Variants in DNAJC1 observed in about 807,000 individuals in gnomAD.
DNAJC1 encodes the protein dnaJ homolog subfamily C member 1.
In DNAJC1, 58 loss-of-function variants were observed where a neutral mutation model predicts 76.6. That is an observed-to-expected ratio of 0.76 (90% CI 0.61 to 0.94). DNAJC1 has a LOEUF of 0.94. Among genes scored for constraint, DNAJC1 ranks in the 40% least tolerant of loss-of-function variants. The pLI is 0.00. For missense variants in DNAJC1, 689 were observed against 677.3 expected (o/e 1.02, Z -0.19); for synonymous variants, 258 against 267.9 (o/e 0.96, Z 0.36).
intron 6 of DNAJC1, among the ~76,000 whole-genome samples, chr10:21,907,078 AC>A (rs1292605837): frequency 6.6e-6 from 1 of 152,130 alleles, no homozygotes; most frequent in Non-Finnish European, 1.5e-5. Context: ...CCAAATTTGA[AC>A]ATTTTCCCTG....
chr10:21,869,991 C>T (rs1836075767), intron 8 of DNAJC1, among the ~76,000 whole-genome samples: 1 of 151,858 alleles, frequency 6.6e-6, no homozygotes, highest in Non-Finnish European at 1.5e-5. Flanking sequence ...GACACCACAC[C>T]TGACAAATAA....
chr10:21,851,581 A>G (rs1403818356), intron 8 of DNAJC1, among the ~76,000 whole-genome samples: 1 of 152,244 alleles, frequency 6.6e-6, no homozygotes, highest in Non-Finnish European at 1.5e-5. Context: ...GGTTGATGGT[A>G]CATCAAAAAG....
At chr10:21,972,358 A>C (rs1837994703) in intron 1 of DNAJC1, among the ~76,000 whole-genome samples, 1 of 152,012 alleles carries the variant, frequency 6.6e-6, no homozygotes, top group African/African-American at 2.4e-5. Flanking sequence ...ACATTACACA[A>C]AAAATATTAA....
chr10:21,806,865 C>T (rs1290343279), intron 8 of DNAJC1, among the ~76,000 whole-genome samples: 1 of 152,012 alleles, frequency 6.6e-6, no homozygotes, highest in Non-Finnish European at 1.5e-5. Context: ...TTTAAAAATA[C>T]CTTAGAGATT....
At chr10:21,966,861 A>G (rs1337323393) in intron 1 of DNAJC1, among the ~76,000 whole-genome samples, 2 of 151,136 alleles carry the variant, frequency 1.3e-5, no homozygotes, top group African/African-American at 4.9e-5. Flanking sequence ...CATATTTTGT[A>G]TTTTGGGTAG....
At chr10:21,868,486 C>G (rs1363228210) in intron 8 of DNAJC1, among the ~76,000 whole-genome samples, 1 of 151,926 alleles carries the variant, frequency 6.6e-6, no homozygotes, top group Non-Finnish European at 1.5e-5. Context: ...ATGGAATATT[C>G]AGCAATAAAA....
intron 9 of DNAJC1, among the ~76,000 whole-genome samples, chr10:21,797,677 T>C (rs1279462088): frequency 6.6e-6 from 1 of 152,138 alleles, no homozygotes; most frequent in Non-Finnish European, 1.5e-5. Flanking sequence ...AGTGGGTTAT[T>C]GCAGGAGTGA....
intron 8 of DNAJC1, among the ~76,000 whole-genome samples, chr10:21,843,583 C>A (rs1056691573): frequency 1.3e-5 from 2 of 151,580 alleles, no homozygotes; most frequent in African/African-American, 4.8e-5. Flanking sequence ...TTAGTAGAGA[C>A]CAGGTTTTAC....
intron 1 of DNAJC1, among the ~76,000 whole-genome samples, chr10:21,936,207 G>A (rs1837309208): frequency 1.3e-5 from 2 of 152,220 alleles, no homozygotes; most frequent in East Asian, 1.9e-4. Flanking sequence ...AGCCCTGGGA[G>A]GACACATAGA....
chr10:21,975,021 T>C (rs1838039555), intron 1 of DNAJC1, among the ~76,000 whole-genome samples: 1 of 152,070 alleles, frequency 6.6e-6, no homozygotes, highest in Non-Finnish European at 1.5e-5. Context: ...TATAAAATTA[T>C]GAAAATGGTA....
At chr10:21,973,480 T>A (rs1258676931) in intron 1 of DNAJC1, among the ~76,000 whole-genome samples, 1 of 152,208 alleles carries the variant, frequency 6.6e-6, no homozygotes, top group Non-Finnish European at 1.5e-5. Context: ...AAGGGATAAA[T>A]ATTTCCTAGC....
chr10:21,862,587 C>T (rs1275310620), intron 8 of DNAJC1, among the ~76,000 whole-genome samples: 6 of 151,982 alleles, frequency 3.9e-5, no homozygotes, highest in African/African-American at 1.4e-4. Flanking sequence ...TGCCCCCACG[C>T]CTGGCTAATT....
At chr10:21,974,931 C>T (rs929273558) in intron 1 of DNAJC1, among the ~76,000 whole-genome samples, 2 of 151,184 alleles carry the variant, frequency 1.3e-5, no homozygotes, top group African/African-American at 2.4e-5. Context: ...GTGAAAAAAA[C>T]AAGAAAAAAT....
intron 8 of DNAJC1, among the ~76,000 whole-genome samples, chr10:21,832,297 T>C (rs896258735): frequency 6.6e-6 from 1 of 152,210 alleles, no homozygotes; most frequent in Admixed American, 6.5e-5. Flanking sequence ...ATTTCTCTCC[T>C]AGATGTTTTT....
intron 1 of DNAJC1, among the ~76,000 whole-genome samples, chr10:21,960,900 TA>T (rs1392094338): frequency 2.0e-5 from 3 of 151,850 alleles, no homozygotes; most frequent in Non-Finnish European, 2.9e-5. Context: ...GAACTTAAAG[TA>T]AAATTTCAAA....
chr10:21,809,342 T>C (rs1834929856), intron 8 of DNAJC1, among the ~76,000 whole-genome samples: 1 of 151,896 alleles, frequency 6.6e-6, no homozygotes, highest in Non-Finnish European at 1.5e-5. Context: ...ACTGAAACTC[T>C]CTAATGAGCA....
In DNAJC1 at chr10:21,868,154, C is replaced by T. The variant is rs1290972053; in HGVS notation, c.978+14128G>A. On this transcript the variant is annotated intron_variant, in intron 8 of 11. Coordinates refer to ENST00000376980, the MANE Select transcript of DNAJC1 (RefSeq NM_022365.4). ...TTTTTTTTTTTTTGAGACGGAGTTT[C>T]GCTCTTGTTGCCCAGGCTGGAGTGC... Among the ~76,000 whole-genome samples, 178 of 121,868 alleles carry T rather than the reference C, an allele frequency of 1.5e-3. 1 individual carries two copies. Among genetic ancestry groups the T allele is most frequent in the African/African-American group, 5.1e-3 (166 of 32,682 alleles). The allele number at this position is 121,868 out of a possible 152,430, so 80.0% of individuals were successfully genotyped here.
intron 6 of DNAJC1, among the ~76,000 whole-genome samples, chr10:21,911,656 C>T (rs1397053341): frequency 6.6e-6 from 1 of 152,150 alleles, no homozygotes; most frequent in Non-Finnish European, 1.5e-5. Context: ...ATTTATTCAG[C>T]CCTAACTCAA....
intron 9 of DNAJC1, among the ~76,000 whole-genome samples, chr10:21,802,569 C>T (rs1834825295): frequency 6.6e-6 from 1 of 152,272 alleles, no homozygotes; most frequent in East Asian, 1.9e-4. Context: ...TTACCTCACA[C>T]TATGGCACTA....
Sources: gnomAD v4.1 joint callset for allele counts (sites outside exome capture counted in the v4.1 genomes callset) on GRCh38, gnomAD v4.1.1 for gene constraint, MANE v1.5 for transcripts, NCBI Gene and HGNC (gene_info 2026-07-23, HGNC 2026-07-21) for gene names.